The following ACTN2 variants were observed in gnomAD, a reference collection of about 807,000 sequenced individuals.
The protein encoded by ACTN2 is actinin alpha 2.
In ACTN2, 39 loss-of-function variants were observed where a neutral mutation model predicts 113.8. That is an observed-to-expected ratio of 0.34 (90% CI 0.27 to 0.45). ACTN2 has a LOEUF of 0.45. ACTN2 is among the 20% of genes least tolerant of loss of function. The pLI, the probability that ACTN2 is intolerant of heterozygous loss-of-function variation, is 1.00. For missense variants in ACTN2, 992 were observed against 1,177.9 expected (o/e 0.84, Z 2.31); for synonymous variants, 429 against 444.1 (o/e 0.97, Z 0.43).
chr1:236,693,016 G>A (rs972527877), intron 1 of ACTN2, among the ~76,000 whole-genome samples: 11 of 152,148 alleles, frequency 7.2e-5, no homozygotes, highest in Non-Finnish European at 1.2e-4. Context: ...CCCTGGGAAC[G>A]GCACTAAGTC....
intron 1 of ACTN2, among the ~76,000 whole-genome samples, chr1:236,715,895 G>A (rs1408614363): frequency 6.6e-6 from 1 of 152,162 alleles, no homozygotes; most frequent in Admixed American, 6.5e-5. Flanking sequence ...GGCGGAGATT[G>A]CGGTGAGCTG....
intron 6 of ACTN2, 90 bp downstream of exon 6, chr1:236,727,846 AC>A: frequency 7.9e-7 from 1 of 1,267,380 alleles, no homozygotes; most frequent in Non-Finnish European, 1.1e-6. Flanking sequence ...CCTAGCACAA[AC>A]CCCAGGGCCA....
At chr1:236,725,533 A>G (rs1658521663) in intron 4 of ACTN2, among the ~76,000 whole-genome samples, 1 of 152,150 alleles carries the variant, frequency 6.6e-6, no homozygotes. Flanking sequence ...AGGCTGAGGC[A>G]GGAGAATCTT....
chr1:236,747,943 G>A, intron 13 of ACTN2, 168 bp downstream of exon 13: 1 of 640,906 alleles, frequency 1.6e-6, no homozygotes, highest in Non-Finnish European at 2.8e-6. Flanking sequence ...TGGGAAGTTG[G>A]GAGCTTTGTG....
intron 1 of ACTN2, among the ~76,000 whole-genome samples, chr1:236,710,102 A>G (rs865794093): frequency 5.3e-5 from 8 of 152,238 alleles, no homozygotes. Context: ...TGTCAGACTC[A>G]TGATTGATTT....
chr1:236,715,827 G>A (rs904330151), intron 1 of ACTN2, among the ~76,000 whole-genome samples: 8 of 152,156 alleles, frequency 5.3e-5, no homozygotes, highest in African/African-American at 1.7e-4. Flanking sequence ...GTGGTGGCAG[G>A]CACCTGTATT....
At chr1:236,740,187 C>T (rs936975294) in intron 10 of ACTN2, among the ~76,000 whole-genome samples, 1 of 152,096 alleles carries the variant, frequency 6.6e-6, no homozygotes, top group Non-Finnish European at 1.5e-5. Flanking sequence ...GATCTCAGCT[C>T]ACTGCAAGCT....
chr1:236,698,596 G>T (rs1473662015), intron 1 of ACTN2, among the ~76,000 whole-genome samples: 1 of 152,142 alleles, frequency 6.6e-6, no homozygotes. Context: ...ATATAAGGTG[G>T]CTGATTATTT....
At chr1:236,708,853 A>G (rs1294906182) in intron 1 of ACTN2, among the ~76,000 whole-genome samples, 1 of 152,084 alleles carries the variant, frequency 6.6e-6, no homozygotes, top group African/African-American at 2.4e-5. Context: ...CGGAAATTGC[A>G]TTTACTTTGG....
chr1:236,722,561 G>A (rs1406556114), intron 4 of ACTN2, among the ~76,000 whole-genome samples: 7 of 147,706 alleles, frequency 4.7e-5, no homozygotes, highest in Non-Finnish European at 1.0e-4. Flanking sequence ...CTTGAACCTG[G>A]GAGGTGGAGG....
chr1:236,751,484 G>T lies in ACTN2; in HGVS notation c.1671G>T (p.Ala557=), dbSNP rs772691130. 6 of 1,613,886 alleles carry T rather than the reference G, an allele frequency of 3.7e-6. No individual in the cohort carries two copies. The highest frequency in any genetic ancestry group is 2.7e-5 in the African/African-American group (2 of 74,882). The part of the protein sequence containing the change: ...SIEEIQSLIT[A]HEQFKATLPE... ...CTCGGGTGTAGAGTCTGATCACTGC[G>T]CATGAGCAGTTCAAGGCCACGCTGC... Residue 557 remains alanine, a synonymous_variant, in exon 15 of 21, where the codon GCG becomes GCT. Transcript: ENST00000366578.
At chr1:236,713,243 T>C (rs1459240566) in intron 1 of ACTN2, among the ~76,000 whole-genome samples, 1 of 152,118 alleles carries the variant, frequency 6.6e-6, no homozygotes, top group African/African-American at 2.4e-5. Context: ...TTTTTTTCTT[T>C]TGAGACGGAG....
intron 11 of ACTN2, among the ~76,000 whole-genome samples, chr1:236,744,196 A>G (rs1659155846): frequency 6.6e-6 from 1 of 152,210 alleles, no homozygotes; most frequent in African/African-American, 2.4e-5. Flanking sequence ...TAGCTTTCAA[A>G]CAAAAGGAAC....
Position 236,763,014 on chromosome 1 carries a change from G to A in ACTN2, c.*395G>A. 3.2e-6 allele frequency: 1 copy of A among 310,974 alleles called. No homozygotes were observed. Among genetic ancestry groups the A allele is most frequent in the Non-Finnish European group, 6.2e-6 (1 of 160,332 alleles). 19.3% of individuals were successfully genotyped at this position (310,974 alleles called of 1,614,324 possible). On this transcript the variant is annotated 3_prime_UTR_variant, in exon 21 of 21. Coordinates refer to ENST00000366578, the MANE Select transcript of ACTN2 (RefSeq NM_001103.4). ...AAAAAACCACAAATTGGTAAATAAA[G>A]GTTTGCTATTTGTAAAAAATTTCAT...
In ACTN2 at chr1:236,763,620, T is replaced by A. The variant is rs902731297; in HGVS notation, c.*1001T>A. 7.2e-5 allele frequency: 11 copies of A among 152,260 alleles called. No individual in the cohort carries two copies. The highest frequency in any genetic ancestry group is 1.5e-4 in the Non-Finnish European group (10 of 68,056). 9.4% of individuals were successfully genotyped at this position (152,260 alleles called of 1,614,324 possible). On this transcript the variant is annotated 3_prime_UTR_variant, in exon 21 of 21. Coordinates refer to ENST00000366578, the MANE Select transcript of ACTN2 (RefSeq NM_001103.4). ...AGCCAGAGTTAGAGTAGGAGAGGAC[T>A]AATTCTCAGCAGCAGTGGAGGTGAG...
intron 1 of ACTN2, among the ~76,000 whole-genome samples, chr1:236,705,292 T>C (rs1657792212): frequency 6.6e-6 from 1 of 152,002 alleles, no homozygotes; most frequent in African/African-American, 2.4e-5. Context: ...TGTGGGACTC[T>C]TCTTAGAAGA....
chr1:236,730,798 A>G (rs142870719), intron 6 of ACTN2, among the ~76,000 whole-genome samples: 4 of 152,314 alleles, frequency 2.6e-5, no homozygotes, highest in African/African-American at 9.6e-5. Context: ...AGTTTTAGCT[A>G]GCAACATTTT....
rs12737976 is a variant in ACTN2 at position 236,743,364 on chromosome 1, G to A, written c.1255+321G>A. ...GTATCCACTCATTCCCTAACTGGTA[G>A]TCAGATAGCCCTGGGCCAACCACTA... On this transcript the variant is annotated intron_variant, in intron 11 of 20. Coordinates refer to ENST00000366578, the MANE Select transcript of ACTN2 (RefSeq NM_001103.4). Among the ~76,000 whole-genome samples, 10,110 of 152,228 alleles carry A rather than the reference G, an allele frequency of 0.066. 432 individuals are homozygous for A. Among genetic ancestry groups the A allele is most frequent in the Middle Eastern group, 0.18 (52 of 294 alleles).
intron 19 of ACTN2, among the ~76,000 whole-genome samples, chr1:236,760,158 A>G (rs1659664060): frequency 6.6e-6 from 1 of 152,068 alleles, no homozygotes; most frequent in Non-Finnish European, 1.5e-5. Context: ...AGGCAGGAGA[A>G]TGGCTTGAAC....
Sources: allele counts gnomAD v4.1 joint callset (sites outside exome capture counted in the v4.1 genomes callset), GRCh38; gene constraint gnomAD v4.1.1; transcripts MANE v1.5; gene names NCBI Gene and HGNC (gene_info 2026-07-23, HGNC 2026-07-21).